Variants in SULT2A1 observed in about 807,000 individuals in gnomAD.
SULT2A1 encodes the protein sulfotransferase family 2A member 1.
SULT2A1 carries 43 observed loss-of-function variants against 33.9 expected under a neutral mutation model. That is an observed-to-expected ratio of 1.27 (90% CI 1.00 to 1.64). The LOEUF is 1.64. Among genes scored for constraint, SULT2A1 ranks in the 40% most tolerant of loss-of-function variants. SULT2A1 has a pLI of 0.00. For synonymous variants in SULT2A1, 125 were observed against 113.6 expected, an observed-to-expected ratio of 1.10 and a Z score of -0.64; for missense variants, 300 against 335.1, an observed-to-expected ratio of 0.90 and a Z score of 0.82.
chr19:47,885,634 C>T (rs868301835), intron 1 of SULT2A1, among the ~76,000 whole-genome samples: 1 of 152,098 alleles, frequency 6.6e-6, no homozygotes, highest in Non-Finnish European at 1.5e-5. Context: ...GTGCTCTTAC[C>T]GCCCTCCACC....
rs766030556 is a variant in SULT2A1 at position 47,882,214 on chromosome 19, A to G, written c.346-4T>C. Reference sequence around the variant, plus strand: ...GATTTCTCATGAGATAAATCACCTTAAATGGAAAAACGGGAGAATGAAAAA... The same window carrying G: ...GATTTCTCATGAGATAAATCACCTTGAATGGAAAAACGGGAGAATGAAAAA... On this transcript the variant is annotated splice_region_variant and splice_polypyrimidine_tract_variant and intron_variant, in intron 2 of 5. Coordinates refer to ENST00000222002, the MANE Select transcript of SULT2A1 (RefSeq NM_003167.4). The G allele has an allele frequency of 6.2e-7, 1 of 1,608,092 alleles. No individual in the cohort carries two copies. Among genetic ancestry groups the G allele is most frequent in the South Asian group, 1.1e-5 (1 of 90,130 alleles).
At chr19:47,881,899 A>G (rs1345131567) in intron 3 of SULT2A1, among the ~76,000 whole-genome samples, 185 bp downstream of exon 3, 1 of 151,972 alleles carries the variant, frequency 6.6e-6, no homozygotes, top group Non-Finnish European at 1.5e-5. Context: ...ATCATGGGGC[A>G]AGCTGAGGGG....
chr19:47,878,023 G>C (rs1364136885), intron 4 of SULT2A1, among the ~76,000 whole-genome samples: 1 of 152,158 alleles, frequency 6.6e-6, no homozygotes, highest in Admixed American at 6.6e-5. Context: ...ACCATCTCAG[G>C]AACTAAATCA....
chr19:47,871,978 C>T (rs776637626), intron 5 of SULT2A1, among the ~76,000 whole-genome samples: 3 of 151,522 alleles, frequency 2.0e-5, no homozygotes, highest in Non-Finnish European at 4.4e-5. Flanking sequence ...AGTGCAGTAG[C>T]GCGATCTTGG....
intron 3 of SULT2A1, among the ~76,000 whole-genome samples, chr19:47,881,829 A>G (rs955192947): frequency 9.9e-5 from 15 of 152,106 alleles, no homozygotes; most frequent in African/African-American, 3.4e-4. Flanking sequence ...AGAGGAGAAT[A>G]TAAGTTTCCT....
rs1251384720 is a variant in SULT2A1 at position 47,882,191 on chromosome 19, T to C, written c.365A>G (p.Asn122Ser). ...ACCAGACACCAAAACATCTCTGGGA[T>C]TTCTCATGAGATAAATCACCTTAAA... is the stretch of plus-strand genomic sequence containing the variant. ...SKAKVIYLMR[N>S]PRDVLVSGYF... Residue 122 changes from asparagine to serine, a missense_variant, in exon 3 of 6, where the codon AAT (asparagine) becomes AGT (serine). Physicochemically the swap from Asn to Ser is conservative, Grantham distance 46. Coordinates refer to ENST00000222002, the MANE Select transcript of SULT2A1 (RefSeq NM_003167.4). 1.9e-6 allele frequency: 3 copies of C among 1,613,680 alleles called. No homozygotes were observed. The South Asian group carries it at 3.3e-5, about 18-fold the overall frequency.
chr19:47,878,639 C>T (rs1432005837), intron 4 of SULT2A1, among the ~76,000 whole-genome samples: 6 of 151,472 alleles, frequency 4.0e-5, no homozygotes, highest in Non-Finnish European at 5.9e-5. Context: ...GCCTCAGCCT[C>T]CCGAGTAGCT....
chr19:47,873,960 G>A (rs1968517956), intron 5 of SULT2A1, among the ~76,000 whole-genome samples: 1 of 151,994 alleles, frequency 6.6e-6, no homozygotes, highest in Non-Finnish European at 1.5e-5. Context: ...CACCAGTGGG[G>A]CAGCTGCACT....
chr19:47,879,721 T>C (rs2637116), intron 3 of SULT2A1, among the ~76,000 whole-genome samples: 66,976 of 143,716 alleles, frequency 0.47, 15,593 homozygotes, highest in East Asian at 0.68. Context: ...TAGGTGGGAA[T>C]TGAACAATGA....
At chr19:47,872,828 G>A (rs35486252) in intron 5 of SULT2A1, among the ~76,000 whole-genome samples, 8,753 of 148,642 alleles carry the variant, frequency 0.059, 291 homozygotes, top group Middle Eastern at 0.1. Context: ...TTGTAATCTC[G>A]GCTCACTGCA....
rs58296429 is a variant in SULT2A1, at chr19:47,879,940, TAA to T, written c.473-812_473-811del. Among the ~76,000 whole-genome samples, 30 of 150,234 alleles carry T rather than the reference TAA, an allele frequency of 2.0e-4. No homozygotes were observed. The South Asian group carries it at 5.5e-3, about 27-fold the overall frequency. ...CTTAAAGTATAACAATAAAAAAAAT[TAA>T]AAAAAAAACCTAGGCCAGGTACGGT... On this transcript the variant is annotated intron_variant, in intron 3 of 5. Coordinates refer to ENST00000222002, the MANE Select transcript of SULT2A1 (RefSeq NM_003167.4).
At chr19:47,879,893 G>A (rs1002982740) in intron 3 of SULT2A1, among the ~76,000 whole-genome samples, 9 of 151,294 alleles carry the variant, frequency 5.9e-5, no homozygotes, top group South Asian at 4.2e-4. Context: ...AAACCTGTAC[G>A]TTGTGCACAT....
rs1202305984 is a variant in SULT2A1, at chr19:47,871,295, T to C, written c.*160A>G. 3.2e-6 allele frequency: 2 copies of C among 626,834 alleles called. No homozygotes were observed. Among genetic ancestry groups the C allele is most frequent in the Non-Finnish European group, 5.5e-6 (2 of 363,292 alleles). 38.8% of individuals were successfully genotyped at this position (626,834 alleles called of 1,614,324 possible). ...ATGAACCACCGTGCCTGGCCAACCC[T>C]GGTAACTTTTAACAAGGAAGGGATC... On this transcript the variant is annotated 3_prime_UTR_variant, in exon 6 of 6. Transcript: ENST00000222002.
intron 3 of SULT2A1, 112 bp downstream of exon 3, chr19:47,881,972 G>C: frequency 7.0e-7 from 1 of 1,427,072 alleles, no homozygotes; most frequent in African/African-American, 1.4e-5. Context: ...GCCTCCAGGG[G>C]TGGTGGAGCC....
chr19:47,878,619 C>A (rs555623047), intron 4 of SULT2A1, among the ~76,000 whole-genome samples: 1 of 149,378 alleles, frequency 6.7e-6, no homozygotes, highest in African/African-American at 2.5e-5. Context: ...CAGGTTCAAG[C>A]GATTCTCCTG....
intron 4 of SULT2A1, 152 bp from the exon 5 acceptor site, chr19:47,874,986 A>G: frequency 1.6e-6 from 1 of 629,664 alleles, no homozygotes; most frequent in Non-Finnish European, 2.7e-6. Context: ...ACGTGGTGAA[A>G]CCCCATCTCT....
At chr19:47,883,194 G>C (rs186848201) in intron 2 of SULT2A1, among the ~76,000 whole-genome samples, 4 of 152,142 alleles carry the variant, frequency 2.6e-5, no homozygotes, top group Non-Finnish European at 5.9e-5. Flanking sequence ...ACACCTCTGT[G>C]TCTTTTCTGT....
In SULT2A1 at chr19:47,871,529, GGGCCACT is replaced by G; in HGVS notation, c.777_783del (p.Val260LysfsTer53). ...AACAATTTATCAAAGTCTTCAGCTTGGGCCACTGTGAAGTGATTTTTCCAGTCCCCAG... is the reference window on the plus strand; with the variant it reads ...AACAATTTATCAAAGTCTTCAGCTTGGTGAAGTGATTTTTCCAGTCCCCAG... On this transcript the variant is annotated frameshift_variant, in exon 6 of 6. Transcript: ENST00000222002. LOFTEE classifies it low-confidence loss of function (END_TRUNC). 1 of 1,614,002 alleles carries G rather than the reference GGGCCACT, an allele frequency of 6.2e-7. No homozygotes were observed. The highest frequency in any genetic ancestry group is 1.6e-4 in the Middle Eastern group (1 of 6,062).
In SULT2A1 at chr19:47,873,462, C is replaced by T. The variant is rs543125145; in HGVS notation, c.745+1195G>A. 3.9e-5 allele frequency among the ~76,000 whole-genome samples: 6 copies of T among 152,164 alleles called. No individual in the cohort carries two copies. The East Asian group carries it at 5.8e-4, about 15-fold the overall frequency. On this transcript the variant is annotated intron_variant, in intron 5 of 5. Coordinates refer to ENST00000222002, the MANE Select transcript of SULT2A1 (RefSeq NM_003167.4). ...CTGGGATTACAAGCATGAGCCACCA[C>T]GCCTGGCCCTGGAAAAATGGATTCT... is the stretch of plus-strand genomic sequence containing the variant.
Sources: allele counts gnomAD v4.1 joint callset (sites outside exome capture counted in the v4.1 genomes callset), GRCh38; gene constraint gnomAD v4.1.1; transcripts MANE v1.5; gene names NCBI Gene and HGNC (gene_info 2026-07-23, HGNC 2026-07-21).